NXF1: variants seen among roughly 807,000 people sequenced by gnomAD.
NXF1 encodes mRNA export factor TAP.
A neutral mutation model predicts 92.4 loss-of-function variants in NXF1; 43 were observed. The observed-to-expected ratio is 0.47, with a 90% CI of 0.36 to 0.60. The LOEUF is 0.60. Among genes scored for constraint, NXF1 ranks in the 20% least tolerant of loss-of-function variants. The pLI is 0.00. For synonymous variants in NXF1, 288 were observed against 292.2 expected, an observed-to-expected ratio of 0.99 and a Z score of 0.15; for missense variants, 576 against 793.0, an observed-to-expected ratio of 0.73 and a Z score of 3.29.
At position 62,795,918 on chromosome 11, in the gene NXF1, T is replaced by C. The variant is rs772099017; in HGVS notation, c.1487A>G (p.Asn496Ser). The C allele has an allele frequency of 9.9e-6, 16 of 1,613,722 alleles. No homozygotes were observed. The highest frequency in any genetic ancestry group is 6.7e-5 in the East Asian group (3 of 44,894). Residue 496 changes from asparagine to serine, a missense_variant, in exon 17 of 21, where the codon AAT becomes AGT. Transcript: ENST00000294172. ...QTSTLLCFSV[N>S]GVFKEVDGKS... Reference sequence around the variant, plus strand: ...ATTCTTACCTTCCTTGAAGACTCCATTGACAGAAAAACACAGCAATGTGCT... The same window carrying C: ...ATTCTTACCTTCCTTGAAGACTCCACTGACAGAAAAACACAGCAATGTGCT...
At chr11:62,799,124 G>C in intron 10 of NXF1, 1 of 982,662 alleles carries the variant, frequency 1.0e-6, no homozygotes. Flanking sequence ...GCAGGGGCAA[G>C]GGAGAGATGG....
At chr11:62,801,281 C>CT in intron 8 of NXF1, 48 bp downstream of exon 8, 1 of 1,608,930 alleles carries the variant, frequency 6.2e-7, no homozygotes, top group Non-Finnish European at 8.5e-7. Context: ...CACTTCCTAT[C>CT]TAACACACCC....
At chr11:62,799,857 C>T in intron 10 of NXF1, 1 of 986,858 alleles carries the variant, frequency 1.0e-6, no homozygotes, top group Non-Finnish European at 1.2e-6. Context: ...TCAACCTCAG[C>T]ATGGACAGCA....
intron 18 of NXF1, 137 bp from the exon 19 acceptor site, chr11:62,794,577 C>T: frequency 1.3e-6 from 1 of 750,324 alleles, no homozygotes; most frequent in Non-Finnish European, 2.2e-6. Flanking sequence ...ATCATTTATC[C>T]CCTCCCATGG....
intron 10 of NXF1, chr11:62,800,124 T>A (rs562003805): frequency 7.4e-7 from 1 of 1,344,286 alleles, no homozygotes. Flanking sequence ...TAGAAAAGGT[T>A]GTGTTCAGGA....
rs1324994990 is a variant in NXF1 at position 62,804,666 on chromosome 11, T to TA, written c.28+662dup. Among the ~76,000 whole-genome samples, 12 of 152,206 alleles carry TA rather than the reference T, an allele frequency of 7.9e-5. No individual in the cohort carries two copies. In the East Asian group the frequency reaches 2.3e-3, roughly 29 times the overall value. On this transcript the variant is annotated intron_variant, in intron 1 of 20. Coordinates refer to ENST00000294172, the MANE Select transcript of NXF1 (RefSeq NM_006362.5). ...CAAATGACCCTAGGAAAAAAGAACA[T>TA]AGAAGGCGCAGCTAACATTCACTGA...
At chr11:62,796,001 C>G in intron 16 of NXF1, 58 bp from the exon 17 acceptor site, 1 of 1,610,204 alleles carries the variant, frequency 6.2e-7, no homozygotes, top group Non-Finnish European at 8.5e-7. Context: ...AGTGCCCCCC[C>G]TTGCCTATTA....
At chr11:62,794,510 C>T (rs2084401152) in intron 18 of NXF1, 70 bp from the exon 19 acceptor site, 1 of 1,388,702 alleles carries the variant, frequency 7.2e-7, no homozygotes, top group Non-Finnish European at 1.0e-6. Flanking sequence ...TTCCTATTCT[C>T]TGATTCTTTC....
At chr11:62,804,988 A>C in intron 1 of NXF1, 1 of 250,954 alleles carries the variant, frequency 4.0e-6, no homozygotes. Flanking sequence ...AAAATAGGGC[A>C]TCAGGGCAGC....
rs1308574056 is a variant in NXF1 at position 62,795,013 on chromosome 11, A to T, written c.1505-6T>A. The T allele has an allele frequency of 6.2e-7, 1 of 1,613,948 alleles. No homozygotes were observed. The highest frequency in any genetic ancestry group is 1.3e-5 in the African/African-American group (1 of 75,068). On this transcript the variant is annotated splice_region_variant and splice_polypyrimidine_tract_variant and intron_variant, in intron 17 of 20. Transcript: ENST00000294172. ...ATCCCGGGACTTTCCGTCCACTGCA[A>T]TAAGAACAGCAACAACACCTTAGGG...
chr11:62,797,494 G>GT, intron 11 of NXF1, 108 bp from the exon 12 acceptor site: 1 of 919,672 alleles, frequency 1.1e-6, no homozygotes, highest in Non-Finnish European at 1.7e-6. Flanking sequence ...GAGCTCAGGA[G>GT]TTTGAGACCA....
At chr11:62,798,760 A>T in intron 10 of NXF1, 185 bp from the exon 11 acceptor site, 1 of 1,417,566 alleles carries the variant, frequency 7.1e-7, no homozygotes, top group Non-Finnish European at 9.2e-7. Flanking sequence ...GCACCCAGAC[A>T]TGGACTGCCT....
intron 10 of NXF1, chr11:62,798,899 C>A: frequency 8.8e-7 from 1 of 1,135,326 alleles, no homozygotes; most frequent in Non-Finnish European, 1.1e-6. Context: ...ACCTGTGCAG[C>A]CCCGGGAGGA....
rs1179175279 is a variant in NXF1, at chr11:62,798,571, T to C, written c.1021A>G (p.Ile341Val). Reference protein sequence around the residue: ...FRDQSTYISAIRERFPKLLRL... With the variant: ...FRDQSTYISAVRERFPKLLRL... ...AGTAACTTGGGAAATCGTTCGCGAA[T>C]GGCGCTGTCAAGAACGGGACAGAAG... is the stretch of plus-strand genomic sequence containing the variant. The change falls in exon 11 of 21, where the codon ATT (isoleucine) becomes GTT (valine). Residue 341 changes from isoleucine (I) to valine (V), a missense_variant. Ile to Val is a conservative substitution (Grantham distance 29, BLOSUM62 3). Around this residue, in one of 2 missense-constraint regions of NXF1, gnomAD observed 425 missense variants for 635.2 expected, o/e 0.67. Coordinates refer to ENST00000294172, the MANE Select transcript of NXF1 (RefSeq NM_006362.5). 4 of 1,613,930 alleles carry C rather than the reference T, an allele frequency of 2.5e-6. No homozygotes were observed. In the Admixed American group the frequency reaches 6.7e-5, roughly 27 times the overall value.
At chr11:62,799,450 T>C (rs2084455830) in intron 10 of NXF1, 1 of 985,780 alleles carries the variant, frequency 1.0e-6, no homozygotes, top group Middle Eastern at 5.2e-4. Context: ...CAGGCCCCTG[T>C]AGGATTGTGG....
Position 62,797,287 on chromosome 11 carries a change from C to T in NXF1, c.1122+31G>A, listed in dbSNP as rs773135870. The T allele has an allele frequency of 3.7e-6, 6 of 1,614,120 alleles. No homozygotes were observed. In the South Asian group the frequency reaches 4.4e-5, roughly 12 times the overall value. ...ACATGGAAGCAGTATTCTCTCCACA[C>T]ACAAGTTCTTACTCTGTCCATGCTT... On this transcript the variant is annotated intron_variant, in intron 12 of 20. Coordinates refer to ENST00000294172, the MANE Select transcript of NXF1 (RefSeq NM_006362.5).
At chr11:62,801,869 G>T (rs376131089) in intron 5 of NXF1, 50 bp from the exon 6 acceptor site, 69 of 1,601,332 alleles carry the variant, frequency 4.3e-5, no homozygotes, top group African/African-American at 4.3e-4. Context: ...AGCCTAAGCC[G>T]CAAGAACAAG....
In NXF1 at chr11:62,794,316, G is replaced by T. The variant is rs1361160597; in HGVS notation, c.1702C>A (p.Gln568Lys). Residue 568 changes from glutamine to lysine, a missense_variant, in exon 19 of 21, where the codon CAG becomes AAG. Gln to Lys is a moderately conservative substitution (Grantham distance 53). Transcript: ENST00000294172. ...SPVPTLSPEQ[Q>K]EMLQAFSTQS... ...GTAGAGAATGCTTGCAACATTTCCT[G>T]CTGCTCTGGAGAGAGGGTGGGCACC... is the stretch of plus-strand genomic sequence containing the variant. 6.2e-7 allele frequency: 1 copy of T among 1,614,190 alleles called. No homozygotes were observed. The highest frequency in any genetic ancestry group is 1.1e-5 in the South Asian group (1 of 91,082).
At chr11:62,800,570 GCT>G (rs1474393147) in intron 9 of NXF1, 84 bp from the exon 10 acceptor site, 2 of 804,564 alleles carry the variant, frequency 2.5e-6, no homozygotes, top group Non-Finnish European at 3.9e-6. Flanking sequence ...CCTACGCTTA[GCT>G]CTGAGATCTT....
Sources: allele counts gnomAD v4.1 joint callset (sites outside exome capture counted in the v4.1 genomes callset), GRCh38; gene constraint gnomAD v4.1.1; regional missense constraint gnomAD v4.1.1; transcripts MANE v1.5; gene names NCBI Gene and HGNC (gene_info 2026-07-23, HGNC 2026-07-21).